DENND1A: variants seen among roughly 807,000 people sequenced by gnomAD.
DENND1A encodes the protein DENN domain-containing protein 1A.
In DENND1A, 51 loss-of-function variants were observed where a neutral mutation model predicts 113.7. The observed-to-expected ratio is 0.45, with a 90% CI of 0.36 to 0.57. The LOEUF is 0.57. Ranked by LOEUF, DENND1A falls within the 20% of genes least tolerant of loss-of-function variation. The pLI, the probability that DENND1A is intolerant of heterozygous loss-of-function variation, is 0.00. For synonymous variants in DENND1A, 565 were observed against 570.8 expected (o/e 0.99, Z 0.14); for missense variants, 1,258 against 1,395.9 (o/e 0.90, Z 1.57).
intron 2 of DENND1A, among the ~76,000 whole-genome samples, chr9:123,803,144 G>A (rs1834981280): frequency 6.6e-6 from 1 of 152,102 alleles, no homozygotes; most frequent in South Asian, 2.1e-4. Flanking sequence ...TCCAGTCATT[G>A]TTAAATCCAA....
chr9:123,795,464 C>T (rs999650534), intron 2 of DENND1A, among the ~76,000 whole-genome samples: 6 of 152,202 alleles, frequency 3.9e-5, no homozygotes, highest in African/African-American at 1.4e-4. Context: ...ACCCGCCTTA[C>T]TAACAGTTTC....
intron 13 of DENND1A, among the ~76,000 whole-genome samples, chr9:123,517,631 G>GCAAAA (rs574218268): frequency 2.5e-4 from 38 of 151,772 alleles, no homozygotes; most frequent in Non-Finnish European, 4.3e-4. Context: ...AAAAACAACA[G>GCAAAA]CAAAACAAAA....
chr9:123,654,804 C>A (rs1260993624), intron 8 of DENND1A, among the ~76,000 whole-genome samples: 1 of 152,210 alleles, frequency 6.6e-6, no homozygotes, highest in Non-Finnish European at 1.5e-5. Flanking sequence ...TGGGATGCCA[C>A]CCGCCTGAGC....
rs1207439319 is a variant in DENND1A, at chr9:123,921,578, T to TC, written c.17+8310dup. The stretch of plus-strand genomic sequence containing the variant: ...TGAATTCAAAAGGTGGTTTTTCTTT[T>TC]CCCCCTCTCTAAATCTACCATGAAC... On this transcript the variant is annotated intron_variant, in intron 1 of 23. Transcript: ENST00000394215. Among the ~76,000 whole-genome samples, 4 of 152,284 alleles carry TC rather than the reference T, an allele frequency of 2.6e-5. No individual in the cohort carries two copies. The East Asian group carries it at 5.8e-4, about 22-fold the overall frequency.
chr9:123,618,668 G>A (rs1350516128), intron 10 of DENND1A, among the ~76,000 whole-genome samples: 2 of 152,178 alleles, frequency 1.3e-5, no homozygotes, highest in Non-Finnish European at 2.9e-5. Context: ...GTGGGTGGCT[G>A]AGCCAACAAG....
intron 10 of DENND1A, among the ~76,000 whole-genome samples, chr9:123,609,915 A>C (rs912744399): frequency 1.3e-5 from 2 of 152,256 alleles, no homozygotes; most frequent in Non-Finnish European, 2.9e-5. Context: ...AGGTTGGATG[A>C]AGGGCATAAT....
At chr9:123,722,014 T>C (rs2067377249) in intron 5 of DENND1A, among the ~76,000 whole-genome samples, 1 of 152,146 alleles carries the variant, frequency 6.6e-6, no homozygotes, top group Admixed American at 6.5e-5. Context: ...TGTGGAAAAG[T>C]TTGGAACTTC....
At chr9:123,529,831 C>A (rs919139198) in intron 13 of DENND1A, among the ~76,000 whole-genome samples, 2 of 152,150 alleles carry the variant, frequency 1.3e-5, no homozygotes, top group Non-Finnish European at 2.9e-5. Flanking sequence ...AGGATGAACT[C>A]ATGAATTCAC....
intron 1 of DENND1A, among the ~76,000 whole-genome samples, chr9:123,919,466 C>A (rs748349502): frequency 6.7e-6 from 1 of 148,484 alleles, no homozygotes; most frequent in Admixed American, 6.7e-5. Flanking sequence ...AGTACAACTT[C>A]AACTAAAAAA....
intron 3 of DENND1A, among the ~76,000 whole-genome samples, chr9:123,782,714 T>C (rs1831515029): frequency 6.6e-6 from 1 of 152,240 alleles, no homozygotes; most frequent in Non-Finnish European, 1.5e-5. Flanking sequence ...TAGTATCTTC[T>C]AGACAAACAA....
intron 19 of DENND1A, among the ~76,000 whole-genome samples, chr9:123,419,989 C>T (rs369436084): frequency 3.0e-4 from 45 of 152,308 alleles, no homozygotes; most frequent in East Asian, 9.7e-4. Context: ...AGCCACTCAG[C>T]GGGGCACCCA....
intron 13 of DENND1A, among the ~76,000 whole-genome samples, chr9:123,508,170 G>A (rs775571143): frequency 6.6e-6 from 1 of 152,182 alleles, no homozygotes; most frequent in Non-Finnish European, 1.5e-5. Context: ...ACAAGACAAG[G>A]CTCCTAAAAT....
chr9:123,803,660 G>A (rs1835065029), intron 2 of DENND1A, among the ~76,000 whole-genome samples: 2 of 152,086 alleles, frequency 1.3e-5, no homozygotes, highest in African/African-American at 4.8e-5. Flanking sequence ...CAATCCTCCT[G>A]TTTTATTCAT....
At chr9:123,692,547 G>C (rs915763613) in intron 5 of DENND1A, among the ~76,000 whole-genome samples, 1 of 152,124 alleles carries the variant, frequency 6.6e-6, no homozygotes, top group Non-Finnish European at 1.5e-5. Context: ...GACTCTTTCC[G>C]AGCTAACACT....
chr9:123,507,788 C>A (rs2053096616), intron 13 of DENND1A, among the ~76,000 whole-genome samples: 1 of 151,692 alleles, frequency 6.6e-6, no homozygotes, highest in South Asian at 2.1e-4. Flanking sequence ...CAGGCCACTG[C>A]ACTGCAGCCT....
chr9:123,779,242 T>C (rs1320818750), intron 3 of DENND1A, among the ~76,000 whole-genome samples: 1 of 152,168 alleles, frequency 6.6e-6, no homozygotes, highest in African/African-American at 2.4e-5. Context: ...TCAAAACACA[T>C]TGCTTGTCCA....
intron 2 of DENND1A, among the ~76,000 whole-genome samples, chr9:123,803,236 A>T (rs1355288880): frequency 2.0e-5 from 3 of 152,152 alleles, no homozygotes; most frequent in African/African-American, 7.2e-5. Context: ...CTGACACCTT[A>T]TAGTTTAAGG....
At chr9:123,558,260 CA>C (rs1425071701) in intron 12 of DENND1A, among the ~76,000 whole-genome samples, 1 of 152,178 alleles carries the variant, frequency 6.6e-6, no homozygotes, top group Non-Finnish European at 1.5e-5. Context: ...ACATTCCAAT[CA>C]AAGTCTTGTA....
At chr9:123,624,476 A>G (rs775060258) in intron 10 of DENND1A, among the ~76,000 whole-genome samples, 1 of 152,140 alleles carries the variant, frequency 6.6e-6, no homozygotes, top group Non-Finnish European at 1.5e-5. Context: ...TCATTCTTAC[A>G]TCTTACAGTT....
Sources: allele counts gnomAD v4.1 joint callset (sites outside exome capture counted in the v4.1 genomes callset), GRCh38; gene constraint gnomAD v4.1.1; transcripts MANE v1.5; gene names NCBI Gene and HGNC (gene_info 2026-07-23, HGNC 2026-07-21).